CNTLN: variants seen among roughly 807,000 people sequenced by gnomAD.
CNTLN encodes centlein, centrosomal protein.
CNTLN carries 212 observed loss-of-function variants against 180.0 expected under a neutral mutation model. The observed-to-expected ratio is 1.18, with a 90% CI of 1.05 to 1.32. CNTLN has a LOEUF of 1.32. Among genes scored for constraint, CNTLN ranks in the 40% most tolerant of loss-of-function variants. The pLI is 0.00. For missense variants in CNTLN, 2,095 were observed against 1,610.9 expected (o/e 1.30, Z -5.14); for synonymous variants, 722 against 563.1 (o/e 1.28, Z -3.99).
chr9:17,157,341 T>C (rs906771201), intron 2 of CNTLN, among the ~76,000 whole-genome samples: 3 of 152,202 alleles, frequency 2.0e-5, no homozygotes, highest in Non-Finnish European at 4.4e-5. Flanking sequence ...CCTTTGCTAA[T>C]ACCATTACTT....
chr9:17,511,707 G>T, the CNTLN span, among the ~76,000 whole-genome samples: 1 of 151,442 alleles, frequency 6.6e-6, no homozygotes, highest in Non-Finnish European at 1.5e-5. Context: ...CACCAGGAGG[G>T]GATTAGACAA....
At chr9:17,361,027 T>A (rs1823342129) in intron 12 of CNTLN, among the ~76,000 whole-genome samples, 1 of 152,194 alleles carries the variant, frequency 6.6e-6, no homozygotes, top group South Asian at 2.1e-4. Flanking sequence ...TGTGTTAAAA[T>A]CTCAGTTTAA....
intron 7 of CNTLN, chr9:17,298,804 A>C: frequency 1.0e-6 from 1 of 986,164 alleles, no homozygotes; most frequent in Non-Finnish European, 1.2e-6. Flanking sequence ...AATATTTTCC[A>C]GGATTTTTCT....
At chr9:17,402,075 A>G (rs994704367) in intron 15 of CNTLN, among the ~76,000 whole-genome samples, 4 of 151,852 alleles carry the variant, frequency 2.6e-5, no homozygotes, top group Non-Finnish European at 5.9e-5. Context: ...CAGAGGTGGT[A>G]TGTGGAATGC....
chr9:17,348,116 C>G (rs1432938720), intron 12 of CNTLN, among the ~76,000 whole-genome samples: 1 of 152,100 alleles, frequency 6.6e-6, no homozygotes, highest in South Asian at 2.1e-4. Flanking sequence ...CAGGCATGAG[C>G]CACTGCGCCC....
intron 2 of CNTLN, among the ~76,000 whole-genome samples, chr9:17,188,027 T>TA (rs1279693903): frequency 7.3e-6 from 1 of 136,730 alleles, no homozygotes; most frequent in Non-Finnish European, 1.5e-5. Context: ...TATATATATA[T>TA]ATATACACAG....
At chr9:17,387,807 G>A (rs1825794542) in intron 13 of CNTLN, among the ~76,000 whole-genome samples, 1 of 152,184 alleles carries the variant, frequency 6.6e-6, no homozygotes, top group Admixed American at 6.5e-5. Flanking sequence ...AACAAAACTA[G>A]TAGTGACTGT....
chr9:17,217,129 T>A (rs1823813811), intron 2 of CNTLN, among the ~76,000 whole-genome samples: 2 of 152,206 alleles, frequency 1.3e-5, no homozygotes, highest in African/African-American at 4.8e-5. Flanking sequence ...AACCAAATAG[T>A]CTTTTAACTT....
chr9:17,141,421 A>G (rs565620175), intron 1 of CNTLN, among the ~76,000 whole-genome samples: 1 of 152,278 alleles, frequency 6.6e-6, no homozygotes, highest in East Asian at 1.9e-4. Context: ...ACTCTATGTG[A>G]AAGTGTGATG....
chr9:17,297,677 C>G (rs758490541), intron 6 of CNTLN, among the ~76,000 whole-genome samples: 1 of 152,198 alleles, frequency 6.6e-6, no homozygotes, highest in East Asian at 1.9e-4. Context: ...AGAGGAGTCA[C>G]AAGTATCCCA....
intron 8 of CNTLN, among the ~76,000 whole-genome samples, chr9:17,310,096 T>C (rs970153345): frequency 6.6e-6 from 1 of 152,154 alleles, no homozygotes; most frequent in African/African-American, 2.4e-5. Context: ...CATATGACAA[T>C]TTAATTTAAT....
chr9:17,274,055 T>C (rs548356712), intron 6 of CNTLN, among the ~76,000 whole-genome samples, 189 bp downstream of exon 6: 2 of 152,244 alleles, frequency 1.3e-5, no homozygotes, highest in South Asian at 2.1e-4. Flanking sequence ...TGAGTGGGTC[T>C]ACAGGATTGG....
intron 2 of CNTLN, among the ~76,000 whole-genome samples, chr9:17,172,438 T>G (rs1214010688): frequency 2.6e-5 from 4 of 152,144 alleles, no homozygotes; most frequent in African/African-American, 9.7e-5. Context: ...GTGCAGTTAT[T>G]CACCAATTTT....
intron 2 of CNTLN, among the ~76,000 whole-genome samples, chr9:17,189,989 A>G (rs1171192253): frequency 2.0e-5 from 3 of 151,550 alleles, no homozygotes; most frequent in Non-Finnish European, 2.9e-5. Flanking sequence ...AATACTCAGA[A>G]CTTCCGGAAC....
intron 10 of CNTLN, among the ~76,000 whole-genome samples, chr9:17,338,539 T>C (rs1189079738): frequency 6.6e-6 from 1 of 151,866 alleles, no homozygotes; most frequent in East Asian, 1.9e-4. Flanking sequence ...ACTAATATTG[T>C]TTTCTAGTTT....
intron 13 of CNTLN, among the ~76,000 whole-genome samples, chr9:17,387,153 C>T (rs1825743163): frequency 6.6e-6 from 1 of 152,192 alleles, no homozygotes; most frequent in Non-Finnish European, 1.5e-5. Flanking sequence ...ACTTGTTAGT[C>T]ACTGTTTATA....
intron 2 of CNTLN, among the ~76,000 whole-genome samples, chr9:17,149,686 T>G (rs543077368): frequency 6.6e-6 from 1 of 151,810 alleles, no homozygotes; most frequent in Non-Finnish European, 1.5e-5. Context: ...CCTGGCTAAT[T>G]TTTTGTATTT....
Position 17,309,119 on chromosome 9 carries a change from A to G in CNTLN, c.1208A>G (p.Gln403Arg), listed in dbSNP as rs374280975. 3.2e-5 allele frequency: 52 copies of G among 1,609,180 alleles called. No individual in the cohort carries two copies. The African/African-American group carries it at 6.4e-4, about 20-fold the overall frequency. ...AAATCAAATGAAGCTATGCTCCGGCAAAGTGTTACTAATCTTCAGGATCAG... is the reference window on the plus strand; with the variant it reads ...AAATCAAATGAAGCTATGCTCCGGCGAAGTGTTACTAATCTTCAGGATCAG... ...TTKSNEAMLR[Q>R]SVTNLQDQLL... Residue 403 changes from glutamine to arginine, a missense_variant, in exon 8 of 26, where the codon CAA (glutamine) becomes CGA (arginine). Coordinates refer to ENST00000380647, the MANE Select transcript of CNTLN (RefSeq NM_017738.4).
chr9:17,346,733 G>C (rs1035222640), intron 12 of CNTLN, among the ~76,000 whole-genome samples: 1 of 152,084 alleles, frequency 6.6e-6, no homozygotes, highest in Non-Finnish European at 1.5e-5. Context: ...TTGGGTTTCT[G>C]TTTCTTGAAT....
Sources: allele counts gnomAD v4.1 joint callset (sites outside exome capture counted in the v4.1 genomes callset), GRCh38; gene constraint gnomAD v4.1.1; transcripts MANE v1.5; gene names NCBI Gene and HGNC (gene_info 2026-07-23, HGNC 2026-07-21).